The following STAG1 variants were observed in gnomAD, a reference collection of about 807,000 sequenced individuals.
STAG1 encodes the protein STAG1 cohesin complex component.
STAG1 carries 26 observed loss-of-function variants against 170.9 expected under a neutral mutation model. The observed-to-expected ratio is 0.15, with a 90% confidence interval of 0.11 to 0.21. The LOEUF (loss-of-function observed/expected upper bound fraction) is 0.21, where lower values mean the gene tolerates loss of function less well. STAG1 is among the 10% of genes least tolerant of loss of function. The pLI is 1.00. For missense variants in STAG1, 964 were observed against 1,509.5 expected, an observed-to-expected ratio of 0.64 and a Z score of 5.99; for synonymous variants, 514 against 497.7, an observed-to-expected ratio of 1.03 and a Z score of -0.44.
rs548448897 is a variant in STAG1 at position 136,337,300 on chromosome 3, A to ATGAT, written c.*950_*953dup. 1.8e-4 allele frequency: 28 copies of ATGAT among 152,638 alleles called. No homozygotes were observed. The highest frequency in any genetic ancestry group is 3.3e-4 in the Admixed American group (5 of 15,270). The allele number at this position is 152,638 out of a possible 1,614,324, so 9.5% of individuals were successfully genotyped here. A position where few individuals can be genotyped will look rare whatever the true frequency, so the allele number is the denominator to read the frequency against. The stretch of plus-strand genomic sequence containing the variant: ...TGAATGATTGATAAAGGATTTCTTC[A>ATGAT]TGATTGATTATCTTAAGAAAATGGA... On this transcript the variant is annotated 3_prime_UTR_variant, in exon 34 of 34. Transcript: ENST00000383202.
chr3:136,435,238 C>T (rs575613536), intron 15 of STAG1, among the ~76,000 whole-genome samples: 6 of 152,230 alleles, frequency 3.9e-5, no homozygotes, highest in East Asian at 1.9e-4. Context: ...ATCTAAAGCA[C>T]GATCATAAGT....
chr3:136,740,897 A>C (rs975564271), intron 1 of STAG1, among the ~76,000 whole-genome samples: 3 of 152,232 alleles, frequency 2.0e-5, no homozygotes, highest in Non-Finnish European at 4.4e-5. Flanking sequence ...CAATGAAGAG[A>C]TAAAGCTGGA....
intron 1 of STAG1, among the ~76,000 whole-genome samples, chr3:136,719,432 G>A (rs1933075839): frequency 1.3e-5 from 2 of 151,878 alleles, no homozygotes; most frequent in South Asian, 2.1e-4. Flanking sequence ...GGTAGTGTTG[G>A]CTACATAGTT....
chr3:136,750,976 G>A (rs1214738304), intron 1 of STAG1, among the ~76,000 whole-genome samples: 2 of 152,124 alleles, frequency 1.3e-5, no homozygotes, highest in African/African-American at 4.8e-5. Context: ...TAAAACACGA[G>A]GAAAACTAAA....
chr3:136,470,326 G>A (rs1341567667), intron 12 of STAG1, among the ~76,000 whole-genome samples: 1 of 152,160 alleles, frequency 6.6e-6, no homozygotes, highest in Non-Finnish European at 1.5e-5. Context: ...GTGGGCAAAG[G>A]ATATGAACAG....
intron 23 of STAG1, among the ~76,000 whole-genome samples, chr3:136,377,318 C>T (rs1388232117): frequency 7.0e-4 from 86 of 122,000 alleles, no homozygotes; most frequent in African/African-American, 2.6e-3. Context: ...ACCCGGGAGG[C>T]GGAGCTTGCA....
At chr3:136,637,831 T>A (rs891016269) in intron 1 of STAG1, among the ~76,000 whole-genome samples, 1 of 152,030 alleles carries the variant, frequency 6.6e-6, no homozygotes, top group Non-Finnish European at 1.5e-5. Context: ...AGGGAAGGTA[T>A]TGTTTGTCCT....
chr3:136,730,089 CCAGGCCCTCTGTCACT>C (rs1265852531), intron 1 of STAG1, among the ~76,000 whole-genome samples: 2 of 151,816 alleles, frequency 1.3e-5, no homozygotes, highest in Non-Finnish European at 2.9e-5. Context: ...CCTCTGTCAC[CCAGGCCCTCTGTCACT>C]GCAACCTCAA....
intron 4 of STAG1, chr3:136,586,928 T>C (rs1050528351): frequency 4.4e-6 from 2 of 456,242 alleles, no homozygotes; most frequent in Non-Finnish European, 8.8e-6. Context: ...ATGAAGGCTC[T>C]AGGGGTAAGA....
At chr3:136,676,028 G>C (rs925629613) in intron 1 of STAG1, among the ~76,000 whole-genome samples, 1 of 152,212 alleles carries the variant, frequency 6.6e-6, no homozygotes, top group African/African-American at 2.4e-5. Flanking sequence ...CTACAAACCT[G>C]TACATCATGT....
At chr3:136,451,312 C>G (rs2088934684) in intron 14 of STAG1, among the ~76,000 whole-genome samples, 1 of 152,060 alleles carries the variant, frequency 6.6e-6, no homozygotes, top group Non-Finnish European at 1.5e-5. Context: ...GAGGCTCGTA[C>G]AACTATCAAT....
chr3:136,384,394 G>C (rs1052646831), intron 22 of STAG1, among the ~76,000 whole-genome samples: 9 of 150,348 alleles, frequency 6.0e-5, no homozygotes, highest in Non-Finnish European at 4.4e-5. Flanking sequence ...AGGTTACAGA[G>C]AGCAAAGACT....
At chr3:136,625,227 T>C (rs1052170258) in intron 2 of STAG1, among the ~76,000 whole-genome samples, 2 of 152,200 alleles carry the variant, frequency 1.3e-5, no homozygotes, top group Non-Finnish European at 2.9e-5. Context: ...CTCAATCTCC[T>C]TCACCAAATG....
intron 28 of STAG1, among the ~76,000 whole-genome samples, chr3:136,352,698 C>T (rs1403833888): frequency 6.6e-6 from 1 of 151,962 alleles, no homozygotes; most frequent in African/African-American, 2.4e-5. Flanking sequence ...CTGTTTTGTA[C>T]TTTCAGTATA....
intron 5 of STAG1, among the ~76,000 whole-genome samples, chr3:136,553,830 A>G (rs944162426): frequency 2.0e-5 from 3 of 152,218 alleles, no homozygotes; most frequent in African/African-American, 7.2e-5. Context: ...GTATTCAAGT[A>G]ATTTAAAGAC....
intron 3 of STAG1, among the ~76,000 whole-genome samples, chr3:136,605,654 C>G (rs1208530419): frequency 6.6e-6 from 1 of 152,118 alleles, no homozygotes. Context: ...TTAATTCATT[C>G]CCATTATATG....
intron 7 of STAG1, among the ~76,000 whole-genome samples, chr3:136,512,745 A>AC (rs1934136095): frequency 6.6e-6 from 1 of 151,866 alleles, no homozygotes; most frequent in Non-Finnish European, 1.5e-5. Context: ...ATAAAAAAAA[A>AC]AAAACTAACT....
intron 22 of STAG1, among the ~76,000 whole-genome samples, chr3:136,384,281 T>C (rs1483123364): frequency 3.3e-5 from 5 of 150,376 alleles, no homozygotes; most frequent in African/African-American, 4.9e-5. Flanking sequence ...CAAAACCCCA[T>C]CTCTACTAAA....
chr3:136,608,797 C>CAAAA (rs34993713), intron 3 of STAG1, among the ~76,000 whole-genome samples: 10 of 79,180 alleles, frequency 1.3e-4, no homozygotes, highest in South Asian at 4.5e-4. Flanking sequence ...GACCCTATCT[C>CAAAA]AAAAAAAAAA....
Sources: gnomAD v4.1 joint callset for allele counts (sites outside exome capture counted in the v4.1 genomes callset) on GRCh38, gnomAD v4.1.1 for gene constraint, MANE v1.5 for transcripts, NCBI Gene and HGNC (gene_info 2026-07-23, HGNC 2026-07-21) for gene names.